LRCH1: variants seen among roughly 807,000 people sequenced by gnomAD.
The protein encoded by LRCH1 is leucine rich repeats and calponin homology domain containing 1, also known as leucine-rich repeat and calponin homology domain-containing protein 1.
A neutral mutation model predicts 94.9 loss-of-function variants in LRCH1; 23 were observed. That is an observed-to-expected ratio of 0.24 (90% CI 0.17 to 0.34). The LOEUF is 0.34. Among genes scored for constraint, LRCH1 ranks in the 10% least tolerant of loss-of-function variants. LRCH1 has a pLI of 1.00. For synonymous variants in LRCH1, 364 were observed against 354.9 expected, an observed-to-expected ratio of 1.03 and a Z score of -0.29; for missense variants, 790 against 945.9, an observed-to-expected ratio of 0.84 and a Z score of 2.16.
chr13:46,584,769 C>G (rs1208881682), intron 1 of LRCH1, among the ~76,000 whole-genome samples: 2 of 152,200 alleles, frequency 1.3e-5, no homozygotes, highest in African/African-American at 4.8e-5. Context: ...ATGGCCATTT[C>G]AGTCTGATGA....
intron 15 of LRCH1, among the ~76,000 whole-genome samples, chr13:46,713,303 T>C (rs1593370857): frequency 6.6e-6 from 1 of 152,216 alleles, no homozygotes; most frequent in African/African-American, 2.4e-5. Flanking sequence ...TTTTTGACTC[T>C]TTGGTATTTA....
Position 46,625,632 on chromosome 13 carries a change from GTT to G in LRCH1, c.308-24549_308-24548del, listed in dbSNP as rs3040224. Among the ~76,000 whole-genome samples the G allele has an allele frequency of 4.3e-3, 545 of 127,184 alleles. 2 individuals are homozygous for G. Among genetic ancestry groups the G allele is most frequent in the South Asian group, 0.018 (73 of 4,096 alleles). 83.4% of individuals were successfully genotyped at this position (127,184 alleles called of 152,430 possible). ...GAACTATGAGAAATAAATGTGTGGG[GTT>G]TTTTTTTTTTTTTTTTTTTGGTCTT... On this transcript the variant is annotated intron_variant, in intron 1 of 19. Coordinates refer to ENST00000389797, the MANE Select transcript of LRCH1 (RefSeq NM_001164211.2).
chr13:46,562,433 C>T (rs534511948), intron 1 of LRCH1, among the ~76,000 whole-genome samples: 9 of 152,144 alleles, frequency 5.9e-5, no homozygotes, highest in African/African-American at 9.7e-5. Flanking sequence ...CTTCACAGGC[C>T]GTTCCTTTTT....
chr13:46,746,214 T>C (rs934727355), downstream of LRCH1, among the ~76,000 whole-genome samples: 1 of 152,216 alleles, frequency 6.6e-6, no homozygotes, highest in Admixed American at 6.5e-5. Flanking sequence ...AGTTTTCTCA[T>C]CTGTGAAATG....
intron 1 of LRCH1, among the ~76,000 whole-genome samples, chr13:46,560,042 A>G (rs1295261313): frequency 6.6e-6 from 1 of 151,158 alleles, no homozygotes; most frequent in Non-Finnish European, 1.5e-5. Flanking sequence ...TCCATCTGGT[A>G]TATGTACATA....
intron 1 of LRCH1, among the ~76,000 whole-genome samples, chr13:46,596,325 G>A (rs1208867340): frequency 3.3e-5 from 5 of 152,166 alleles, no homozygotes; most frequent in Non-Finnish European, 5.9e-5. Flanking sequence ...CTTCAAGGAG[G>A]CAGCATGTTT....
At chr13:46,612,742 G>C (rs1017250559) in intron 1 of LRCH1, among the ~76,000 whole-genome samples, 2 of 152,174 alleles carry the variant, frequency 1.3e-5, no homozygotes, top group Non-Finnish European at 2.9e-5. Flanking sequence ...CCAACTCCTT[G>C]TGCATGTCTT....
intron 1 of LRCH1, among the ~76,000 whole-genome samples, chr13:46,606,107 T>C (rs1316480071): frequency 1.3e-5 from 2 of 151,982 alleles, no homozygotes; most frequent in Admixed American, 6.6e-5. Flanking sequence ...TTTCAAGTCA[T>C]TGAAATATCC....
chr13:46,585,566 A>AAC (rs1566158576), intron 1 of LRCH1, among the ~76,000 whole-genome samples: 1 of 151,524 alleles, frequency 6.6e-6, no homozygotes. Context: ...AAAAAAAAAA[A>AAC]AAAAACAAAA....
intron 1 of LRCH1, among the ~76,000 whole-genome samples, chr13:46,648,782 T>A (rs1842722352): frequency 6.6e-6 from 1 of 152,198 alleles, no homozygotes; most frequent in Non-Finnish European, 1.5e-5. Flanking sequence ...CTTTTGCTAT[T>A]ATCATAAATT....
At chr13:46,680,631 A>G (rs1373764683) in intron 3 of LRCH1, among the ~76,000 whole-genome samples, 1 of 152,224 alleles carries the variant, frequency 6.6e-6, no homozygotes, top group African/African-American at 2.4e-5. Flanking sequence ...GGGAATTATG[A>G]AATACTGAAA....
At chr13:46,627,968 A>T (rs944977888) in intron 1 of LRCH1, among the ~76,000 whole-genome samples, 40 of 152,136 alleles carry the variant, frequency 2.6e-4, no homozygotes, top group African/African-American at 8.2e-4. Flanking sequence ...ATTCAGAATA[A>T]TCTGGCTAAT....
intron 6 of LRCH1, 81 bp from the exon 7 acceptor site, chr13:46,689,052 T>G: frequency 9.1e-7 from 1 of 1,100,060 alleles, no homozygotes; most frequent in Non-Finnish European, 1.4e-6. Flanking sequence ...ATTATTAGAA[T>G]ATAAATTGAT....
At chr13:46,688,995 C>T (rs1455738004) in intron 6 of LRCH1, 138 bp from the exon 7 acceptor site, 1 of 648,122 alleles carries the variant, frequency 1.5e-6, no homozygotes, top group African/African-American at 1.8e-5. Flanking sequence ...TAATACTAGA[C>T]TGATTTGTTG....
chr13:46,602,640 T>C (rs1376093097), intron 1 of LRCH1, among the ~76,000 whole-genome samples: 4 of 152,146 alleles, frequency 2.6e-5, no homozygotes, highest in African/African-American at 9.7e-5. Context: ...TATTTCCTAA[T>C]TGAAGGGCAT....
At chr13:46,559,063 G>A (rs1199242209) in intron 1 of LRCH1, among the ~76,000 whole-genome samples, 1 of 152,198 alleles carries the variant, frequency 6.6e-6, no homozygotes, top group Non-Finnish European at 1.5e-5. Context: ...CCATCCTAAA[G>A]CAATGGAGTC....
intron 2 of LRCH1, among the ~76,000 whole-genome samples, chr13:46,650,979 T>C (rs2051289995): frequency 6.6e-6 from 1 of 152,238 alleles, no homozygotes. Context: ...CATATATTAA[T>C]GCCCCTGAGT....
chr13:46,692,403 C>A, intron 7 of LRCH1, 133 bp from the exon 8 acceptor site: 5 of 594,846 alleles, frequency 8.4e-6, no homozygotes, highest in East Asian at 3.0e-5. Context: ...GTGGAATTGA[C>A]CTTTGTATCT....
At chr13:46,650,762 T>C (rs2138079705) in intron 2 of LRCH1, among the ~76,000 whole-genome samples, 1 of 151,562 alleles carries the variant, frequency 6.6e-6, no homozygotes, top group South Asian at 2.1e-4. Flanking sequence ...TGGGTGATCT[T>C]TGGCAATTAT....
Sources: allele counts gnomAD v4.1 joint callset (sites outside exome capture counted in the v4.1 genomes callset), GRCh38; gene constraint gnomAD v4.1.1; transcripts MANE v1.5; gene names NCBI Gene and HGNC (gene_info 2026-07-23, HGNC 2026-07-21).